Variants in DSE observed in about 807,000 individuals in gnomAD.
DSE encodes the protein dermatan-sulfate epimerase.
Under a neutral mutation model 84.4 loss-of-function variants are expected in DSE, and 36 were observed. That is an observed-to-expected ratio of 0.43 (90% CI 0.33 to 0.56). The LOEUF (loss-of-function observed/expected upper bound fraction) is 0.56, where lower values mean the gene tolerates loss of function less well. Ranked by LOEUF, DSE falls within the 20% of genes least tolerant of loss-of-function variation. DSE has a pLI of 0.06. For synonymous variants in DSE, 410 were observed against 430.1 expected, an observed-to-expected ratio of 0.95 and a Z score of 0.58; for missense variants, 862 against 1,169.6, an observed-to-expected ratio of 0.74 and a Z score of 3.84.
chr6:116,296,795 G>C (rs907877957), intron 2 of DSE, among the ~76,000 whole-genome samples: 1 of 152,178 alleles, frequency 6.6e-6, no homozygotes, highest in African/African-American at 2.4e-5. Context: ...TTTTATTCTA[G>C]TTACAATGAG....
intron 2 of DSE, among the ~76,000 whole-genome samples, chr6:116,326,557 C>T (rs1776632970): frequency 6.6e-6 from 1 of 152,108 alleles, no homozygotes; most frequent in African/African-American, 2.4e-5. Flanking sequence ...GCGGCACCAC[C>T]GGCGTCTTCT....
chr6:116,309,322 A>G (rs1249285255), intron 2 of DSE, among the ~76,000 whole-genome samples: 1 of 132,350 alleles, frequency 7.6e-6, no homozygotes, highest in African/African-American at 3.6e-5. Context: ...ACACATACAT[A>G]CATACATACA....
intron 2 of DSE, among the ~76,000 whole-genome samples, chr6:116,415,951 G>C (rs1449726348): frequency 6.6e-6 from 1 of 152,178 alleles, no homozygotes; most frequent in African/African-American, 2.4e-5. Flanking sequence ...TTGTAGAAGT[G>C]TAACACAGGG....
At chr6:116,300,250 C>T (rs1026925689) in intron 2 of DSE, among the ~76,000 whole-genome samples, 2 of 152,002 alleles carry the variant, frequency 1.3e-5, no homozygotes, top group Non-Finnish European at 2.9e-5. Flanking sequence ...GAGTCATGTC[C>T]GAATAGTAAG....
chr6:116,399,953 C>T, intron 2 of DSE: 1 of 360,650 alleles, frequency 2.8e-6, no homozygotes, highest in Non-Finnish European at 5.1e-6. Context: ...GCTGAGAATT[C>T]TTTCTTCCAT....
At chr6:116,358,893 G>A (rs1778728865) in intron 2 of DSE, among the ~76,000 whole-genome samples, 2 of 152,124 alleles carry the variant, frequency 1.3e-5, no homozygotes, top group Non-Finnish European at 2.9e-5. Flanking sequence ...GCATTCAGAA[G>A]TCATTATTTC....
rs746801762 is a variant in DSE at position 116,442,363 on chromosome 6, G to C, written c.*5018G>C. The C allele has an allele frequency of 6.6e-6, 1 of 152,112 alleles. No individual in the cohort carries two copies. Among genetic ancestry groups the C allele is most frequent in the Non-Finnish European group, 1.5e-5 (1 of 68,024 alleles). 9.4% of individuals were successfully genotyped at this position (152,112 alleles called of 1,614,324 possible). A position where few individuals can be genotyped will look rare whatever the true frequency, so the allele number is the denominator to read the frequency against. ...GCAGGAGGAATAAGTAGTAGGAAGC[G>C]GGTCCAGGAGGTTGTTTTAGCCATG... On this transcript the variant is annotated 3_prime_UTR_variant, in exon 6 of 6. Transcript: ENST00000644252.
intron 2 of DSE, among the ~76,000 whole-genome samples, chr6:116,354,202 T>C (rs1156486029): frequency 2.0e-5 from 3 of 152,338 alleles, no homozygotes; most frequent in Admixed American, 6.5e-5. Flanking sequence ...ACCCAGACTA[T>C]ATAACTCTAA....
At chr6:116,369,356 T>A (rs545668938), upstream of DSE, among the ~76,000 whole-genome samples, 3 of 152,360 alleles carry the variant, frequency 2.0e-5, no homozygotes, top group South Asian at 6.2e-4. Flanking sequence ...ACGGATTACA[T>A]AATACAGCTA....
chr6:116,354,875 G>C (rs1778495258), intron 2 of DSE, among the ~76,000 whole-genome samples: 1 of 151,980 alleles, frequency 6.6e-6, no homozygotes, highest in Non-Finnish European at 1.5e-5. Context: ...ATAAAATAGT[G>C]ACAGGTTTTA....
At chr6:116,377,571 G>C (rs1175836966) in intron 1 of DSE, among the ~76,000 whole-genome samples, 1 of 152,182 alleles carries the variant, frequency 6.6e-6, no homozygotes, top group African/African-American at 2.4e-5. Context: ...CTTGTTTATA[G>C]AGTAGTCCTT....
chr6:116,312,422 A>G (rs1775743757), intron 2 of DSE, among the ~76,000 whole-genome samples: 1 of 152,202 alleles, frequency 6.6e-6, no homozygotes, highest in Non-Finnish European at 1.5e-5. Context: ...CTGAAGGAGG[A>G]CATCAGCTGG....
At chr6:116,278,811 A>T (rs1295079026) in intron 2 of DSE, 1 of 1,614,052 alleles carries the variant, frequency 6.2e-7, no homozygotes, top group Non-Finnish European at 8.5e-7. Flanking sequence ...ATCTTACCTC[A>T]TATTCCTTGA....
At position 116,437,467 on chromosome 6, in the gene DSE, A is replaced by G. The variant is rs1784259760; in HGVS notation, c.*122A>G. The G allele has an allele frequency of 1.1e-6, 1 of 938,768 alleles. No individual in the cohort carries two copies. Among genetic ancestry groups the G allele is most frequent in the Non-Finnish European group, 1.5e-6 (1 of 651,770 alleles). 58.2% of individuals were successfully genotyped at this position (938,768 alleles called of 1,614,324 possible). A position where few individuals can be genotyped will look rare whatever the true frequency, so the allele number is the denominator to read the frequency against. On this transcript the variant is annotated 3_prime_UTR_variant, in exon 6 of 6. Coordinates refer to ENST00000644252, the MANE Select transcript of DSE (RefSeq NM_013352.4). Reference sequence around the variant, plus strand: ...AGATTCATTTTAACAAATTAAGGGAAGATATTTTGACACAAGAAAGCAGGA... The same window carrying G: ...AGATTCATTTTAACAAATTAAGGGAGGATATTTTGACACAAGAAAGCAGGA...
intron 2 of DSE, among the ~76,000 whole-genome samples, chr6:116,405,778 C>T (rs1562287979): frequency 1.3e-5 from 2 of 152,094 alleles, no homozygotes; most frequent in African/African-American, 2.4e-5. Context: ...AGGTCAGGTG[C>T]CCTGTGGTGG....
intron 2 of DSE, among the ~76,000 whole-genome samples, chr6:116,411,272 A>G (rs528279012): frequency 2.0e-5 from 3 of 152,362 alleles, no homozygotes; most frequent in South Asian, 2.1e-4. Flanking sequence ...AAAAATGCAG[A>G]AAGTCCAAAG....
chr6:116,381,845 T>C (rs1037400911), intron 1 of DSE, among the ~76,000 whole-genome samples: 6 of 152,156 alleles, frequency 3.9e-5, no homozygotes, highest in African/African-American at 7.2e-5. Flanking sequence ...AACAATAGTT[T>C]ATTGTCTTAC....
Position 116,442,419 on chromosome 6 carries a change from G to A in DSE, c.*5074G>A, listed in dbSNP as rs950631206. The A allele has an allele frequency of 5.3e-5, 8 of 152,158 alleles. No individual in the cohort carries two copies. Among genetic ancestry groups the A allele is most frequent in the African/African-American group, 1.7e-4 (7 of 41,428 alleles). 9.4% of individuals were successfully genotyped at this position (152,158 alleles called of 1,614,324 possible). A position where few individuals can be genotyped will look rare whatever the true frequency, so the allele number is the denominator to read the frequency against. ...TTTAAGATACTTTCTAAAAATCCAA[G>A]TGGAGATGTACCAGCCTGGAATCCA... On this transcript the variant is annotated 3_prime_UTR_variant, in exon 6 of 6. Coordinates refer to ENST00000644252, the MANE Select transcript of DSE (RefSeq NM_013352.4).
At chr6:116,413,443 CTTTA>C (rs1322411189) in intron 2 of DSE, among the ~76,000 whole-genome samples, 1 of 152,208 alleles carries the variant, frequency 6.6e-6, no homozygotes, top group East Asian at 1.9e-4. Flanking sequence ...AAGATGCCCT[CTTTA>C]TTCTATAATT....
Sources: allele counts gnomAD v4.1 joint callset (sites outside exome capture counted in the v4.1 genomes callset), GRCh38; gene constraint gnomAD v4.1.1; transcripts MANE v1.5; gene names NCBI Gene and HGNC (gene_info 2026-07-23, HGNC 2026-07-21).